TECRL: variants seen among roughly 807,000 people sequenced by gnomAD.
TECRL encodes the protein trans-2,3-enoyl-CoA reductase like.
Under a neutral mutation model 52.8 loss-of-function variants are expected in TECRL, and 63 were observed. The ratio of observed to expected loss-of-function variants is 1.19; its 90% confidence interval spans 0.97 to 1.47. The LOEUF is 1.47. Ranked by LOEUF, TECRL falls within the 40% of genes most tolerant of loss-of-function variation. The pLI is 0.00. For missense variants in TECRL, 482 were observed against 429.6 expected, an observed-to-expected ratio of 1.12 and a Z score of -1.08; for synonymous variants, 164 against 141.9, an observed-to-expected ratio of 1.16 and a Z score of -1.10.
In TECRL at chr4:64,371,340, T is replaced by TA. The variant is rs924873598; in HGVS notation, c.286+3831dup. ...AACTAAATTGTAAAACAATCACAAT[T>TA]ACAATTAATTACATTTAATCAAAAC... On this transcript the variant is annotated intron_variant, in intron 2 of 11. Coordinates refer to ENST00000381210, the MANE Select transcript of TECRL (RefSeq NM_001010874.5). Among the ~76,000 whole-genome samples the TA allele has an allele frequency of 1.8e-4, 27 of 151,044 alleles. 1 individual carries two copies. Among genetic ancestry groups the TA allele is most frequent in the African/African-American group, 6.5e-4 (27 of 41,404 alleles).
intron 2 of TECRL, among the ~76,000 whole-genome samples, chr4:64,352,492 T>C (rs1293322299): frequency 6.6e-6 from 1 of 152,196 alleles, no homozygotes; most frequent in East Asian, 1.9e-4. Flanking sequence ...CCAATGAAGA[T>C]GCTGAGCTCA....
At chr4:64,329,223 C>T (rs1217049520) in intron 2 of TECRL, among the ~76,000 whole-genome samples, 1 of 151,876 alleles carries the variant, frequency 6.6e-6, no homozygotes, top group Non-Finnish European at 1.5e-5. Flanking sequence ...AAAATAAATT[C>T]TATACTATCG....
chr4:64,369,247 G>A (rs1304436569), intron 2 of TECRL, among the ~76,000 whole-genome samples: 1 of 151,968 alleles, frequency 6.6e-6, no homozygotes, highest in Non-Finnish European at 1.5e-5. Flanking sequence ...ACTATTTTTA[G>A]AACAATCTCA....
intron 2 of TECRL, among the ~76,000 whole-genome samples, chr4:64,339,820 A>C (rs1214588496): frequency 6.6e-6 from 1 of 152,174 alleles, no homozygotes. Flanking sequence ...AATTCTCTCT[A>C]AAACATTCCT....
rs1187653667 is a variant in TECRL at position 64,352,710 on chromosome 4, A to G, written c.286+22462T>C. ...CATGTATATGCTCATGCACATACATATCCAAACATTCACACACACCACATG... is the reference window on the plus strand; with the variant it reads ...CATGTATATGCTCATGCACATACATGTCCAAACATTCACACACACCACATG... On this transcript the variant is annotated intron_variant, in intron 2 of 11. Coordinates refer to ENST00000381210, the MANE Select transcript of TECRL (RefSeq NM_001010874.5). Among the ~76,000 whole-genome samples, 4 of 152,340 alleles carry G rather than the reference A, an allele frequency of 2.6e-5. No individual in the cohort carries two copies. In the East Asian group the frequency reaches 7.7e-4, roughly 29 times the overall value.
At chr4:64,383,564 TTTAA>T (rs1176002507) in intron 1 of TECRL, among the ~76,000 whole-genome samples, 2 of 152,012 alleles carry the variant, frequency 1.3e-5, no homozygotes, top group African/African-American at 2.4e-5. Context: ...TGTATTTTTA[TTTAA>T]TTAATTGAGT....
chr4:64,346,269 G>A (rs1719976183), intron 2 of TECRL, among the ~76,000 whole-genome samples: 1 of 152,190 alleles, frequency 6.6e-6, no homozygotes, highest in Admixed American at 6.5e-5. Flanking sequence ...GGGATCTGGA[G>A]GATGGTGGCT....
intron 2 of TECRL, among the ~76,000 whole-genome samples, chr4:64,330,661 A>C (rs1446633703): frequency 2.0e-5 from 3 of 152,090 alleles, no homozygotes; most frequent in Non-Finnish European, 2.9e-5. Context: ...TTAATTAATC[A>C]CAAAACTTTA....
At chr4:64,371,380 A>G (rs894185967) in intron 2 of TECRL, among the ~76,000 whole-genome samples, 1 of 151,062 alleles carries the variant, frequency 6.6e-6, no homozygotes, top group Admixed American at 6.6e-5. Flanking sequence ...TAATTATAAT[A>G]AACAATTAAA....
intron 1 of TECRL, among the ~76,000 whole-genome samples, chr4:64,403,629 AAGTC>A (rs1322352205): frequency 6.6e-6 from 1 of 152,016 alleles, no homozygotes; most frequent in Non-Finnish European, 1.5e-5. Context: ...AAATGAATAA[AAGTC>A]AGAGATACCA....
intron 5 of TECRL, among the ~76,000 whole-genome samples, chr4:64,314,136 C>A (rs912571836): frequency 6.6e-6 from 1 of 150,650 alleles, no homozygotes; most frequent in Non-Finnish European, 1.5e-5. Context: ...GGTGACAGAG[C>A]GAAACTCTGT....
intron 1 of TECRL, among the ~76,000 whole-genome samples, chr4:64,384,951 T>TGCTC (rs776325791): frequency 2.8e-4 from 42 of 152,304 alleles, no homozygotes; most frequent in Non-Finnish European, 4.1e-4. Context: ...CCAAACAGTG[T>TGCTC]GCTCACATCC....
Position 64,278,690 on chromosome 4 carries a change from A to G in TECRL, c.*1382T>C, listed in dbSNP as rs549296022. On this transcript the variant is annotated 3_prime_UTR_variant, in exon 12 of 12. Transcript: ENST00000381210. ...AACTATAGTCGTCCTACAGTGGTAT[A>G]GAACACCAGAAATTATTCCTCCTAC... 3.3e-5 allele frequency: 5 copies of G among 152,164 alleles called. No homozygotes were observed. The highest frequency in any genetic ancestry group is 7.4e-5 in the Non-Finnish European group (5 of 68,018). The allele number at this position is 152,164 out of a possible 1,614,324, so 9.4% of individuals were successfully genotyped here. A position where few individuals can be genotyped will look rare whatever the true frequency, so the allele number is the denominator to read the frequency against.
chr4:64,391,510 TCAAA>T (rs1384112004), intron 1 of TECRL, among the ~76,000 whole-genome samples: 1 of 151,846 alleles, frequency 6.6e-6, no homozygotes, highest in East Asian at 1.9e-4. Flanking sequence ...ACATCAACAC[TCAAA>T]CAGTTTTTAA....
At chr4:64,331,288 T>C (rs898202161) in intron 2 of TECRL, among the ~76,000 whole-genome samples, 1 of 152,132 alleles carries the variant, frequency 6.6e-6, no homozygotes, top group African/African-American at 2.4e-5. Context: ...GTATATATTA[T>C]AATATTACTG....
chr4:64,401,842 T>A (rs1426099355), intron 1 of TECRL, among the ~76,000 whole-genome samples: 1 of 152,182 alleles, frequency 6.6e-6, no homozygotes, highest in Non-Finnish European at 1.5e-5. Context: ...AATCTTGATT[T>A]AATAGGAAAT....
intron 2 of TECRL, among the ~76,000 whole-genome samples, chr4:64,355,303 T>G (rs577736309): frequency 6.6e-6 from 1 of 152,150 alleles, no homozygotes; most frequent in African/African-American, 2.4e-5. Context: ...TACTGTAGAT[T>G]GTCAGAAAAT....
intron 2 of TECRL, among the ~76,000 whole-genome samples, chr4:64,350,731 A>T (rs767482402): frequency 6.6e-6 from 1 of 151,632 alleles, no homozygotes; most frequent in African/African-American, 2.4e-5. Flanking sequence ...TCGAACAGCA[A>T]TTTTTCCCTG....
intron 8 of TECRL, among the ~76,000 whole-genome samples, chr4:64,298,320 T>C (rs932104797): frequency 1.3e-5 from 2 of 151,114 alleles, no homozygotes; most frequent in African/African-American, 4.8e-5. Context: ...GGTTTATTAA[T>C]TTTTGCCTGG....
Sources: gnomAD v4.1 joint callset for allele counts (sites outside exome capture counted in the v4.1 genomes callset) on GRCh38, gnomAD v4.1.1 for gene constraint, MANE v1.5 for transcripts, NCBI Gene and HGNC (gene_info 2026-07-23, HGNC 2026-07-21) for gene names.